Variants in ANKDD1A observed in about 807,000 individuals in gnomAD.
The protein encoded by ANKDD1A is ankyrin repeat and death domain-containing protein 1A.
ANKDD1A carries 59 observed loss-of-function variants against 63.5 expected under a neutral mutation model. That is an observed-to-expected ratio of 0.93 (90% CI 0.75 to 1.15). The LOEUF is 1.15. Among genes scored for constraint, ANKDD1A ranks in the 50% most tolerant of loss-of-function variants. The pLI, the probability that ANKDD1A is intolerant of heterozygous loss-of-function variation, is 0.00. For synonymous variants in ANKDD1A, 266 were observed against 263.9 expected (o/e 1.01, Z -0.08); for missense variants, 632 against 656.4 (o/e 0.96, Z 0.41).
In ANKDD1A at chr15:64,952,571, C is replaced by A. The variant is rs575477025; in HGVS notation, c.1483+2599C>A. On this transcript the variant is annotated intron_variant, in intron 14 of 14. Coordinates refer to ENST00000319580, the MANE Select transcript of ANKDD1A (RefSeq NM_182703.6). ...TCCTCCTTCCTTCTCCTTCGTTCTT[C>A]TTCTCCTTCTTTTCTTCTTCTTCCT... Among the ~76,000 whole-genome samples, 6 of 81,016 alleles carry A rather than the reference C, an allele frequency of 7.4e-5. No individual in the cohort carries two copies. In the East Asian group the frequency reaches 1.4e-3, roughly 19 times the overall value. The allele number at this position is 81,016 out of a possible 152,430, so 53.1% of individuals were successfully genotyped here.
chr15:64,943,931 G>C (rs1300957749), intron 11 of ANKDD1A, among the ~76,000 whole-genome samples: 2 of 152,216 alleles, frequency 1.3e-5, no homozygotes, highest in Non-Finnish European at 2.9e-5. Context: ...CCATATGTGG[G>C]ACAGGGTTTG....
chr15:64,953,615 C>CTTCTTCTCCTTCTTCTTAGTTCTTCTTAG (rs2085350143), intron 14 of ANKDD1A, among the ~76,000 whole-genome samples: 1 of 108,908 alleles, frequency 9.2e-6, no homozygotes, highest in South Asian at 3.5e-4. Flanking sequence ...TTCTTCTCTC[C>CTTCTTCTCCTTCTTCTTAGTTCTTCTTAG]TTCTTCTTCT....
At chr15:64,952,825 T>A (rs2140389277) in intron 14 of ANKDD1A, among the ~76,000 whole-genome samples, 1 of 142,458 alleles carries the variant, frequency 7.0e-6, no homozygotes, top group African/African-American at 2.6e-5. Context: ...TTCTTCCTCC[T>A]CCTTCTTCCT....
At position 64,944,755 on chromosome 15, in the gene ANKDD1A, G is replaced by A. The variant is rs371521774; in HGVS notation, c.1161+8G>A. On this transcript the variant is annotated splice_region_variant and intron_variant, in intron 12 of 14. Transcript: ENST00000319580. ...TTCTACAGATGGGAGAAGGTACGGA[G>A]GCCTCACGCTTGATCTTTCCTCATT... is the stretch of plus-strand genomic sequence containing the variant. 13 of 1,613,376 alleles carry A rather than the reference G, an allele frequency of 8.1e-6. 1 individual carries two copies. The African/African-American group carries it at 1.6e-4, about 20-fold the overall frequency.
intron 14 of ANKDD1A, among the ~76,000 whole-genome samples, chr15:64,953,637 C>CTTAG (rs2085352609): frequency 2.4e-4 from 1 of 4,152 alleles, no homozygotes; most frequent in African/African-American, 3.0e-4. Flanking sequence ...CTTCCTTCTT[C>CTTAG]TTCCTCTTCC....
At chr15:64,942,403 C>T in intron 9 of ANKDD1A, 64 bp from the exon 10 acceptor site, 1 of 1,322,184 alleles carries the variant, frequency 7.6e-7, no homozygotes, top group Middle Eastern at 1.9e-4. Flanking sequence ...GTCCCCAGCA[C>T]CAGCCTGCAG....
chr15:64,950,745 C>G lies in ANKDD1A; in HGVS notation c.1483+773C>G, dbSNP rs1015628668. On this transcript the variant is annotated intron_variant, in intron 14 of 14. Transcript: ENST00000319580. ...GAAAGGACCGCCCCCCCCCCCCCCC[C>G]CCCCCATAGCTGCTATAGGCAAGGT... is the stretch of plus-strand genomic sequence containing the variant. 2,181 of 915,678 alleles carry G rather than the reference C, an allele frequency of 2.4e-3. 116 individuals carry two copies. The highest frequency in any genetic ancestry group is 3.5e-3 in the South Asian group (63 of 17,876). 56.7% of individuals were successfully genotyped at this position (915,678 alleles called of 1,614,324 possible). A position where few individuals can be genotyped will look rare whatever the true frequency, so the allele number is the denominator to read the frequency against.
At chr15:64,923,914 G>A (rs1054229751) in intron 4 of ANKDD1A, among the ~76,000 whole-genome samples, 4 of 152,204 alleles carry the variant, frequency 2.6e-5, no homozygotes, top group African/African-American at 9.7e-5. Context: ...TATATGGAGG[G>A]TGAGGTTCTG....
chr15:64,945,630 A>ATATATATATATATATATATATG (rs1188413566), intron 12 of ANKDD1A, among the ~76,000 whole-genome samples: 1 of 46,156 alleles, frequency 2.2e-5, no homozygotes, highest in Non-Finnish European at 3.7e-5. Flanking sequence ...ATATATATAT[A>ATATATATATATATATATATATG]TGAACTTTTT....
At chr15:64,951,414 TTCTTCC>T (rs1184536360) in intron 14 of ANKDD1A, 72 of 83,374 alleles carry the variant, frequency 8.6e-4, no homozygotes, top group Middle Eastern at 7.7e-3. Flanking sequence ...CTTTTTTCTT[TTCTTCC>T]TCTTTTCTTC....
chr15:64,943,563 A>C lies in ANKDD1A; in HGVS notation c.1046A>C (p.Asp349Ala), dbSNP rs778442888. Reference sequence around the variant, plus strand: ...GATATGCTCCTCATTGCTGGGGTTGACTTAAACCTGAGAGATAAGGTACCT... The same window carrying C: ...GATATGCTCCTCATTGCTGGGGTTGCCTTAAACCTGAGAGATAAGGTACCT... Reference protein sequence around the residue: ...IADMLLIAGVDLNLRDKQGKT... With the variant: ...IADMLLIAGVALNLRDKQGKT... The change falls in exon 11 of 15, where the codon GAC (aspartate) becomes GCC (alanine). Residue 349 changes from aspartate (D) to alanine (A), a missense_variant. Transcript: ENST00000319580. The C allele has an allele frequency of 9.3e-6, 15 of 1,614,000 alleles. No homozygotes were observed. The highest frequency in any genetic ancestry group is 4.0e-5 in the African/African-American group (3 of 74,902).
intron 14 of ANKDD1A, among the ~76,000 whole-genome samples, chr15:64,956,418 G>A (rs1026395576): frequency 2.6e-5 from 4 of 151,882 alleles, no homozygotes; most frequent in African/African-American, 9.7e-5. Context: ...GCATGGTGGC[G>A]GGCACCTGTA....
Position 64,943,546 on chromosome 15 carries a change from C to T in ANKDD1A, c.1029C>T (p.Leu343=), listed in dbSNP as rs756104664. ...CCTGGCAGGACATAGCAGATATGCT[C>T]CTCATTGCTGGGGTTGACTTAAACC... ...EHAWQDIADM[L]LIAGVDLNLR... The change falls in exon 11 of 15, where the codon CTC becomes CTT. Residue 343 remains leucine (L), a synonymous_variant. Coordinates refer to ENST00000319580, the MANE Select transcript of ANKDD1A (RefSeq NM_182703.6). 4 of 1,614,152 alleles carry T rather than the reference C, an allele frequency of 2.5e-6. No homozygotes were observed. The highest frequency in any genetic ancestry group is 3.4e-6 in the Non-Finnish European group (4 of 1,180,034).
chr15:64,946,812 G>T (rs1035937366), intron 12 of ANKDD1A, among the ~76,000 whole-genome samples: 3 of 152,170 alleles, frequency 2.0e-5, no homozygotes, highest in East Asian at 3.9e-4. Flanking sequence ...ACACCAGGAT[G>T]ATTTTTTTCA....
At chr15:64,947,360 GATC>G in intron 12 of ANKDD1A, 41 bp from the exon 13 acceptor site, 1 of 1,588,728 alleles carries the variant, frequency 6.3e-7, no homozygotes. Flanking sequence ...CCCTGTCTGG[GATC>G]ATGAGGGAGA....
At chr15:64,931,750 A>C (rs921448281) in intron 8 of ANKDD1A, 165 bp downstream of exon 8, 2 of 699,288 alleles carry the variant, frequency 2.9e-6, no homozygotes, top group Non-Finnish European at 4.8e-6. Context: ...TGTGACCTGG[A>C]GCAAGTTACT....
At chr15:64,942,656 C>A in intron 10 of ANKDD1A, 91 bp downstream of exon 10, 1 of 915,344 alleles carries the variant, frequency 1.1e-6, no homozygotes, top group Non-Finnish European at 1.6e-6. Flanking sequence ...TAGCATGGCC[C>A]AGAGTTGAGG....
intron 6 of ANKDD1A, among the ~76,000 whole-genome samples, chr15:64,927,665 C>T (rs1414377394): frequency 7.1e-6 from 1 of 141,440 alleles, no homozygotes; most frequent in African/African-American, 2.7e-5. Context: ...AGTGCAGTGG[C>T]GCTGTCTTGG....
At chr15:64,952,565 GTTC>G (rs202239018) in intron 14 of ANKDD1A, among the ~76,000 whole-genome samples, 2,062 of 80,844 alleles carry the variant, frequency 0.026, 17 homozygotes, top group African/African-American at 0.049. Context: ...CTTCTCCTTC[GTTC>G]TTCTTCTCCT....
Sources: allele counts gnomAD v4.1 joint callset (sites outside exome capture counted in the v4.1 genomes callset), GRCh38; gene constraint gnomAD v4.1.1; transcripts MANE v1.5; gene names NCBI Gene and HGNC (gene_info 2026-07-23, HGNC 2026-07-21).